Variants in FHIT observed in about 807,000 individuals in gnomAD.
FHIT encodes the protein bis(5'-adenosyl)-triphosphatase.
Under a neutral mutation model 17.9 loss-of-function variants are expected in FHIT, and 19 were observed. The ratio of observed to expected loss-of-function variants is 1.06; its 90% CI spans 0.74 to 1.56. FHIT has a LOEUF of 1.56. FHIT is among the 40% of genes most tolerant of loss of function. FHIT has a pLI of 0.00. For synonymous variants in FHIT, 81 were observed against 69.7 expected, an observed-to-expected ratio of 1.16 and a Z score of -0.81; for missense variants, 248 against 189.2, an observed-to-expected ratio of 1.31 and a Z score of -1.82.
At chr3:60,430,504 C>G (rs1231870907) in intron 5 of FHIT, among the ~76,000 whole-genome samples, 1 of 151,958 alleles carries the variant, frequency 6.6e-6, no homozygotes, top group African/African-American at 2.4e-5. Flanking sequence ...GGTCTAAGGG[C>G]AATATTTTTT....
At chr3:61,220,007 T>C (rs2039794449) in intron 1 of FHIT, among the ~76,000 whole-genome samples, 1 of 152,198 alleles carries the variant, frequency 6.6e-6, no homozygotes, top group Non-Finnish European at 1.5e-5. Flanking sequence ...TGTTGCATTC[T>C]GCAGCCCTCA....
chr3:60,409,167 A>G (rs1223910800), intron 5 of FHIT, among the ~76,000 whole-genome samples: 1 of 152,224 alleles, frequency 6.6e-6, no homozygotes, highest in Admixed American at 6.5e-5. Flanking sequence ...TCATAAGCCC[A>G]AAGTTCTTTT....
chr3:60,081,934 C>G (rs1457109232), intron 5 of FHIT, among the ~76,000 whole-genome samples: 1 of 151,570 alleles, frequency 6.6e-6, no homozygotes, highest in Non-Finnish European at 1.5e-5. Context: ...TCTACAAACT[C>G]GATGAGTTCA....
intron 5 of FHIT, among the ~76,000 whole-genome samples, chr3:60,271,216 A>T (rs973649542): frequency 6.6e-6 from 1 of 152,060 alleles, no homozygotes; most frequent in Non-Finnish European, 1.5e-5. Flanking sequence ...CCTGGTCAAC[A>T]TGGTGAAACC....
intron 8 of FHIT, among the ~76,000 whole-genome samples, chr3:59,754,392 GAGGCAAACATGCTGCAGTTGCTACAGGCA>G (rs1401696225): frequency 6.6e-6 from 1 of 152,144 alleles, no homozygotes; most frequent in African/African-American, 2.4e-5. Context: ...CTTTCTTGCA[GAGGCAAACATGCTGCAGTTGCTACAGGCA>G]AGGCAAACGG....
chr3:60,942,706 T>C (rs1708471333), intron 3 of FHIT, among the ~76,000 whole-genome samples: 1 of 152,180 alleles, frequency 6.6e-6, no homozygotes, highest in Admixed American at 6.5e-5. Context: ...TCATTTTTGG[T>C]AATATTTTTG....
At chr3:60,701,422 T>C (rs1304789984) in intron 4 of FHIT, among the ~76,000 whole-genome samples, 1 of 151,448 alleles carries the variant, frequency 6.6e-6, no homozygotes, top group African/African-American at 2.4e-5. Context: ...CAAATCAGTC[T>C]CCCCCCCAAA....
At chr3:60,628,447 C>T (rs144388810) in intron 4 of FHIT, among the ~76,000 whole-genome samples, 73 of 152,260 alleles carry the variant, frequency 4.8e-4, no homozygotes, top group African/African-American at 1.7e-3. Context: ...CTGTTGTCTG[C>T]CTCAATTGGC....
intron 5 of FHIT, among the ~76,000 whole-genome samples, chr3:60,282,475 C>T (rs1196766738): frequency 2.0e-5 from 3 of 151,996 alleles, no homozygotes; most frequent in Non-Finnish European, 4.4e-5. Context: ...CTATTCTATA[C>T]GAAACTGTAA....
chr3:60,133,250 T>G (rs948587292), intron 5 of FHIT, among the ~76,000 whole-genome samples: 1 of 152,070 alleles, frequency 6.6e-6, no homozygotes, highest in African/African-American at 2.4e-5. Flanking sequence ...CCAGAGAAAC[T>G]CCAAAGTTCT....
chr3:60,260,542 A>T (rs1305057133), intron 5 of FHIT, among the ~76,000 whole-genome samples: 1 of 152,110 alleles, frequency 6.6e-6, no homozygotes, highest in East Asian at 1.9e-4. Flanking sequence ...GACTTAACAC[A>T]AAGCTTTTGC....
intron 2 of FHIT, among the ~76,000 whole-genome samples, chr3:61,102,663 G>C (rs184104709): frequency 6.6e-6 from 1 of 152,132 alleles, no homozygotes; most frequent in African/African-American, 2.4e-5. Flanking sequence ...GGTAGAATTT[G>C]GCTGTGAATC....
At chr3:61,060,916 G>T (rs941127044) in intron 2 of FHIT, among the ~76,000 whole-genome samples, 1 of 152,114 alleles carries the variant, frequency 6.6e-6, no homozygotes, top group Non-Finnish European at 1.5e-5. Flanking sequence ...AGTTACCCTG[G>T]TTTCCTAAGC....
intron 5 of FHIT, among the ~76,000 whole-genome samples, chr3:60,223,699 C>CA: frequency 2.0e-5 from 3 of 152,228 alleles, no homozygotes; most frequent in Middle Eastern, 6.8e-3. Context: ...AGCCCCCTGC[C>CA]AAGTCTTCAT....
chr3:60,890,616 T>C, intron 3 of FHIT, among the ~76,000 whole-genome samples: 1 of 152,236 alleles, frequency 6.6e-6, no homozygotes, highest in East Asian at 1.9e-4. Flanking sequence ...ACATTTTCTG[T>C]GCAAGTAGTC....
At chr3:60,353,146 A>T (rs1415564745) in intron 5 of FHIT, among the ~76,000 whole-genome samples, 1 of 152,088 alleles carries the variant, frequency 6.6e-6, no homozygotes, top group Admixed American at 6.6e-5. Flanking sequence ...TTCAACTATG[A>T]CCCCTTCTTC....
At chr3:60,480,733 G>C (rs2033571041) in intron 5 of FHIT, among the ~76,000 whole-genome samples, 1 of 152,202 alleles carries the variant, frequency 6.6e-6, no homozygotes, top group Non-Finnish European at 1.5e-5. Flanking sequence ...TGCAGGAAGA[G>C]GGATCCCAGG....
chr3:61,046,707 C>T (rs187033111), intron 2 of FHIT, among the ~76,000 whole-genome samples: 1 of 152,120 alleles, frequency 6.6e-6, no homozygotes, highest in African/African-American at 2.4e-5. Flanking sequence ...ACTTTTAGAC[C>T]AATACCCCTG....
chr3:59,771,563 G>A (rs1702076191), intron 8 of FHIT, among the ~76,000 whole-genome samples: 2 of 152,120 alleles, frequency 1.3e-5, no homozygotes, highest in South Asian at 4.1e-4. Flanking sequence ...TGCAGATGGG[G>A]AAATAAAGTT....
Sources: gnomAD v4.1 joint callset for allele counts (sites outside exome capture counted in the v4.1 genomes callset) on GRCh38, gnomAD v4.1.1 for gene constraint, MANE v1.5 for transcripts, NCBI Gene and HGNC (gene_info 2026-07-23, HGNC 2026-07-21) for gene names.